The following CSMD1 variants were observed in gnomAD, a reference collection of about 807,000 sequenced individuals.
The protein encoded by CSMD1 is CUB and sushi domain-containing protein 1.
In CSMD1, 213 loss-of-function variants were observed where a neutral mutation model predicts 417.5. The ratio of observed to expected loss-of-function variants is 0.51; its 90% confidence interval spans 0.46 to 0.57. The LOEUF (loss-of-function observed/expected upper bound fraction) is 0.57, where lower values mean the gene tolerates loss of function less well. Among genes scored for constraint, CSMD1 ranks in the 20% least tolerant of loss-of-function variants. The pLI is 0.00. For missense variants in CSMD1, 6,923 were observed against 4,529.7 expected, an observed-to-expected ratio of 1.53 and a Z score of -15.17; for synonymous variants, 2,862 against 1,736.8, an observed-to-expected ratio of 1.65 and a Z score of -16.11.
chr8:4,731,257 C>T (rs144121822), intron 1 of CSMD1, among the ~76,000 whole-genome samples: 1 of 152,162 alleles, frequency 6.6e-6, no homozygotes, highest in East Asian at 1.9e-4. Flanking sequence ...CCACCTCAAC[C>T]TGCTTTTGTC....
At position 3,710,494 on chromosome 8, in the gene CSMD1, C is replaced by G. The variant is rs527977109; in HGVS notation, c.932-2003G>C. Among the ~76,000 whole-genome samples the G allele has an allele frequency of 5.3e-4, 80 of 152,276 alleles. No individual in the cohort carries two copies. The South Asian group carries it at 0.014, about 26-fold the overall frequency. ...GTGTGGCAGTGATTGTTACTCTTTTCAAATCACTGACATTCAGAGGGCTGG... is the reference window on the plus strand; with the variant it reads ...GTGTGGCAGTGATTGTTACTCTTTTGAAATCACTGACATTCAGAGGGCTGG... On this transcript the variant is annotated intron_variant, in intron 6 of 69. Coordinates refer to ENST00000635120, the MANE Select transcript of CSMD1 (RefSeq NM_033225.6).
chr8:4,724,520 A>ATG lies in CSMD1; in HGVS notation c.86-86964_86-86963dup, dbSNP rs66498850. Among the ~76,000 whole-genome samples, 917 of 145,284 alleles carry ATG rather than the reference A, an allele frequency of 6.3e-3. 4 individuals are homozygous for ATG. The highest frequency in any genetic ancestry group is 0.032 in the Middle Eastern group (9 of 282). On this transcript the variant is annotated intron_variant, in intron 1 of 69. Transcript: ENST00000635120. Reference sequence around the variant, plus strand: ...TAATATAGTAGCTCTTTATATATATATGTGTGTGTGTGTGTGTGTGTGTGT... The same window carrying ATG: ...TAATATAGTAGCTCTTTATATATATATGTGTGTGTGTGTGTGTGTGTGTGTGT...
intron 52 of CSMD1, among the ~76,000 whole-genome samples, chr8:3,007,654 A>C (rs1234780923): frequency 6.6e-6 from 1 of 151,480 alleles, no homozygotes; most frequent in East Asian, 1.9e-4. Context: ...CATCATTCTC[A>C]GTAAACTATC....
At chr8:4,822,350 A>G (rs1426247183) in intron 1 of CSMD1, among the ~76,000 whole-genome samples, 3 of 152,114 alleles carry the variant, frequency 2.0e-5, no homozygotes, top group Non-Finnish European at 2.9e-5. Context: ...ATGTTTAGAG[A>G]GGACAAAAAT....
intron 26 of CSMD1, among the ~76,000 whole-genome samples, chr8:3,280,144 C>G (rs1711893387): frequency 6.6e-6 from 1 of 152,148 alleles, no homozygotes; most frequent in Non-Finnish European, 1.5e-5. Context: ...TTCACCCATG[C>G]TGGGGCTTCT....
At chr8:4,317,288 C>G (rs957874542) in intron 3 of CSMD1, among the ~76,000 whole-genome samples, 6 of 152,102 alleles carry the variant, frequency 3.9e-5, no homozygotes, top group African/African-American at 1.4e-4. Flanking sequence ...GCTGAAAGCA[C>G]TGGTGTGATT....
At chr8:3,652,207 C>T (rs1797893021) in intron 7 of CSMD1, among the ~76,000 whole-genome samples, 1 of 150,976 alleles carries the variant, frequency 6.6e-6, no homozygotes, top group Non-Finnish European at 1.5e-5. Flanking sequence ...GCGGGCCTAC[C>T]ACCATCAGAG....
At chr8:3,895,204 GATTT>G (rs1397088805) in intron 5 of CSMD1, among the ~76,000 whole-genome samples, 2 of 152,116 alleles carry the variant, frequency 1.3e-5, no homozygotes, top group African/African-American at 4.8e-5. Context: ...TAAGAAAATG[GATTT>G]AATTAAAATA....
intron 3 of CSMD1, among the ~76,000 whole-genome samples, chr8:4,255,373 T>G (rs975222151): frequency 3.3e-5 from 5 of 152,138 alleles, no homozygotes; most frequent in Non-Finnish European, 7.4e-5. Context: ...CAGAGAAAGG[T>G]GACTGAGCAA....
At chr8:4,805,907 C>T (rs563180334) in intron 1 of CSMD1, among the ~76,000 whole-genome samples, 1 of 152,228 alleles carries the variant, frequency 6.6e-6, no homozygotes, top group South Asian at 2.1e-4. Context: ...GACTCAAATG[C>T]GATGGCTTGT....
intron 26 of CSMD1, among the ~76,000 whole-genome samples, chr8:3,246,536 G>T (rs779437875): frequency 2.2e-4 from 33 of 152,018 alleles, no homozygotes; most frequent in Non-Finnish European, 3.2e-4. Context: ...CAGTGACTCA[G>T]TCTGGGCTCA....
chr8:4,316,755 C>T (rs748715985), intron 3 of CSMD1, among the ~76,000 whole-genome samples: 1 of 152,124 alleles, frequency 6.6e-6, no homozygotes, highest in East Asian at 1.9e-4. Flanking sequence ...AGTGGTCGAA[C>T]GCCCCCAAAA....
chr8:3,487,280 C>T (rs1262907123), intron 11 of CSMD1, among the ~76,000 whole-genome samples: 1 of 152,162 alleles, frequency 6.6e-6, no homozygotes, highest in Non-Finnish European at 1.5e-5. Context: ...TGGCTCTCTG[C>T]AAGCTCCACC....
At chr8:4,616,753 T>C (rs1192146455) in intron 2 of CSMD1, among the ~76,000 whole-genome samples, 3 of 152,190 alleles carry the variant, frequency 2.0e-5, no homozygotes, top group Admixed American at 6.5e-5. Flanking sequence ...TCCAGGGATA[T>C]TGGCATAAAT....
chr8:4,310,768 C>T (rs899987231), intron 3 of CSMD1, among the ~76,000 whole-genome samples: 1 of 152,102 alleles, frequency 6.6e-6, no homozygotes, highest in East Asian at 1.9e-4. Flanking sequence ...AGACTGTGTC[C>T]ATATACAGCC....
chr8:4,408,003 C>G (rs1288867217), intron 3 of CSMD1, among the ~76,000 whole-genome samples: 1 of 152,158 alleles, frequency 6.6e-6, no homozygotes, highest in African/African-American at 2.4e-5. Flanking sequence ...CTGCAAGTCC[C>G]CACACACCAG....
chr8:4,485,885 G>A (rs995783207), intron 2 of CSMD1, among the ~76,000 whole-genome samples: 2 of 151,702 alleles, frequency 1.3e-5, no homozygotes, highest in African/African-American at 4.8e-5. Context: ...CTCTGACCAG[G>A]GAGTAAGAAG....
intron 4 of CSMD1, among the ~76,000 whole-genome samples, chr8:4,006,513 G>C (rs941655462): frequency 2.6e-5 from 4 of 152,104 alleles, no homozygotes; most frequent in African/African-American, 9.7e-5. Flanking sequence ...CACTGCACTT[G>C]GCCTGAGCGA....
intron 2 of CSMD1, among the ~76,000 whole-genome samples, chr8:4,565,244 T>C (rs1798533982): frequency 6.6e-6 from 1 of 152,222 alleles, no homozygotes; most frequent in Non-Finnish European, 1.5e-5. Flanking sequence ...GGATTAAGAA[T>C]GCCTCATTCA....
Sources: allele counts gnomAD v4.1 joint callset (sites outside exome capture counted in the v4.1 genomes callset), GRCh38; gene constraint gnomAD v4.1.1; transcripts MANE v1.5; gene names NCBI Gene and HGNC (gene_info 2026-07-23, HGNC 2026-07-21).